Variants in OTOP3 observed in about 807,000 individuals in gnomAD.
OTOP3 encodes proton channel OTOP3.
In OTOP3, 41 loss-of-function variants were observed where a neutral mutation model predicts 50.8. The observed-to-expected ratio is 0.81, with a 90% CI of 0.63 to 1.05. OTOP3 has a LOEUF of 1.05. OTOP3 is among the 50% of genes least tolerant of loss of function. OTOP3 has a pLI of 0.00. For missense variants in OTOP3, 788 were observed against 760.8 expected (o/e 1.04, Z -0.42); for synonymous variants, 320 against 324.4 (o/e 0.99, Z 0.14).
chr17:74,943,167 T>C, intron 3 of OTOP3, 119 bp from the exon 4 acceptor site: 1 of 900,642 alleles, frequency 1.1e-6, no homozygotes, highest in East Asian at 2.4e-5. Flanking sequence ...GAGCCAAGAT[T>C]CCGACCCAGT....
intron 1 of OTOP3, among the ~76,000 whole-genome samples, chr17:74,939,535 AAGG>A (rs1214946283): frequency 6.6e-6 from 1 of 152,124 alleles, no homozygotes; most frequent in Non-Finnish European, 1.5e-5. Flanking sequence ...CACCAGGAAG[AAGG>A]AGTGTCCGGT....
intron 1 of OTOP3, among the ~76,000 whole-genome samples, chr17:74,937,055 C>G (rs1359400634): frequency 2.0e-5 from 3 of 150,914 alleles, no homozygotes; most frequent in African/African-American, 7.3e-5. Flanking sequence ...CTCAGCCTCC[C>G]AGGCTGAAGC....
rs2144774738 is a variant in OTOP3, at chr17:74,935,952, G to A, written c.19+12G>A. On this transcript the variant is annotated intron_variant, in intron 1 of 6. Transcript: ENST00000328801. ...TCTCCCGGCCTCAGGTAAGCCCGGA[G>A]CGCCGGCGGAACTTTCCCAGCTTGC... 1 of 1,541,908 alleles carries A rather than the reference G, an allele frequency of 6.5e-7. No homozygotes were observed. Among genetic ancestry groups the A allele is most frequent in the East Asian group, 2.4e-5 (1 of 40,878 alleles).
In OTOP3 at chr17:74,946,815, A is replaced by G; in HGVS notation, c.906A>G (p.Ala302=). ...GGAAGAACGTGGGCCGCCACGTGGC[A>G]CCCCACATGGGTGCCCACCCTGCCA... ...VMWKNVGRHV[A]PHMGAHPATA... The change falls in exon 6 of 7, where the codon GCA becomes GCG. Residue 302 remains alanine (A), a synonymous_variant. Coordinates refer to ENST00000328801, the MANE Select transcript of OTOP3 (RefSeq NM_001272005.2). 1 of 1,611,366 alleles carries G rather than the reference A, an allele frequency of 6.2e-7. No individual in the cohort carries two copies. Among genetic ancestry groups the G allele is most frequent in the East Asian group, 2.2e-5 (1 of 44,864 alleles).
intron 1 of OTOP3, among the ~76,000 whole-genome samples, chr17:74,939,800 G>A (rs1451629067): frequency 6.6e-6 from 1 of 152,172 alleles, no homozygotes; most frequent in African/African-American, 2.4e-5. Flanking sequence ...TCAAAGTCAA[G>A]GGCGTGGCAG....
At chr17:74,944,296 G>A (rs910816857) in intron 5 of OTOP3, among the ~76,000 whole-genome samples, 6 of 152,036 alleles carry the variant, frequency 3.9e-5, no homozygotes, top group Non-Finnish European at 5.9e-5. Context: ...TCACCATCAC[G>A]CCCTGCAGCC....
At chr17:74,943,376 C>A in intron 4 of OTOP3, 32 bp downstream of exon 4, 1 of 1,600,588 alleles carries the variant, frequency 6.2e-7, no homozygotes, top group Non-Finnish European at 8.6e-7. Context: ...AACCCTCTGG[C>A]CTCTCTGTCC....
intron 1 of OTOP3, among the ~76,000 whole-genome samples, chr17:74,936,986 A>T (rs2039124916): frequency 1.2e-5 from 1 of 86,592 alleles, no homozygotes; most frequent in Non-Finnish European, 2.1e-5. Context: ...TTTTTGAGAC[A>T]GGGTCTAACT....
intron 1 of OTOP3, among the ~76,000 whole-genome samples, chr17:74,940,903 G>A (rs2144780662): frequency 6.6e-6 from 1 of 152,262 alleles, no homozygotes; most frequent in East Asian, 1.9e-4. Flanking sequence ...ACAGCCTCAG[G>A]ATGCTTCTCT....
chr17:74,940,679 A>G (rs956321471), intron 1 of OTOP3, among the ~76,000 whole-genome samples: 1 of 152,098 alleles, frequency 6.6e-6, no homozygotes, highest in Non-Finnish European at 1.5e-5. Context: ...TCTAATACCC[A>G]ATGATCTGAA....
intron 1 of OTOP3, among the ~76,000 whole-genome samples, chr17:74,938,782 G>A (rs1033542993): frequency 1.3e-5 from 2 of 152,104 alleles, no homozygotes; most frequent in African/African-American, 4.8e-5. Context: ...AGTTGCCTTT[G>A]CAGGACTTTA....
rs771130336 is a variant in OTOP3, at chr17:74,941,976, G to A, written c.512G>A (p.Arg171His). ...FRVGYDVSHI[R>H]CKSQLDLVFS... Reference sequence around the variant, plus strand: ...GTGGGCTACGATGTGAGCCACATCCGCTGCAAGTCACAGCTGGACCTTGTC... The same window carrying A: ...GTGGGCTACGATGTGAGCCACATCCACTGCAAGTCACAGCTGGACCTTGTC... The change falls in exon 3 of 7, where the codon CGC (arginine) becomes CAC (histidine). Residue 171 changes from arginine to histidine, a missense_variant. Coordinates refer to ENST00000328801, the MANE Select transcript of OTOP3 (RefSeq NM_001272005.2). The A allele has an allele frequency of 6.2e-6, 10 of 1,613,600 alleles. No individual in the cohort carries two copies. Among genetic ancestry groups the A allele is most frequent in the South Asian group, 2.2e-5 (2 of 91,026 alleles).
Position 74,947,368 on chromosome 17 carries a change from G to A in OTOP3, c.1459G>A (p.Gly487Ser), listed in dbSNP as rs113286281. The part of the protein sequence containing the change: ...RRGSLLELGQ[G>S]LQRASLAYIH... ...AGGCTCCTTGCTGGAGCTGGGCCAG[G>A]GCCTGCAGCGGGCCTCACTGGCCTA... is the stretch of plus-strand genomic sequence containing the variant. Residue 487 changes from glycine to serine, a missense_variant, in exon 6 of 7, where the codon GGC becomes AGC. By Grantham distance (56) the Gly-to-Ser change is moderately conservative (BLOSUM62 0). Transcript: ENST00000328801. The A allele has an allele frequency of 6.2e-7, 1 of 1,613,086 alleles. No individual in the cohort carries two copies. Among genetic ancestry groups the A allele is most frequent in the East Asian group, 2.2e-5 (1 of 44,878 alleles).
intron 1 of OTOP3, among the ~76,000 whole-genome samples, chr17:74,940,360 G>A (rs1407637474): frequency 6.6e-6 from 1 of 151,824 alleles, no homozygotes; most frequent in Non-Finnish European, 1.5e-5. Flanking sequence ...TAAAAAACTA[G>A]AACAGTAAAG....
chr17:74,944,568 C>A (rs1485022251), intron 5 of OTOP3, among the ~76,000 whole-genome samples: 1 of 152,130 alleles, frequency 6.6e-6, no homozygotes, highest in Non-Finnish European at 1.5e-5. Context: ...ACCAGCCTAG[C>A]GAACATGGCG....
At position 74,947,289 on chromosome 17, in the gene OTOP3, G is replaced by A. The variant is rs2039238458; in HGVS notation, c.1380G>A (p.Trp460Ter). 1.2e-6 allele frequency: 2 copies of A among 1,613,374 alleles called. No individual in the cohort carries two copies. The highest frequency in any genetic ancestry group is 1.7e-5 in the Admixed American group (1 of 59,982). ...AGGGCCTGCACCGGCGCCCACTCTGGGAGACAGTTCCCGAGGGCCTGGCAG... is the reference window on the plus strand; with the variant it reads ...AGGGCCTGCACCGGCGCCCACTCTGAGAGACAGTTCCCGAGGGCCTGGCAG... Reference protein sequence around the residue: ...IIEGLHRRPLWETVPEGLAGK... With the variant: ...IIEGLHRRPL Residue 460 changes from tryptophan (W) to a stop codon, truncating the protein, a stop_gained, in exon 6 of 7, where the codon TGG (tryptophan) becomes TGA (stop). Transcript: ENST00000328801. LOFTEE classifies it high-confidence loss of function.
chr17:74,945,984 G>GTTT (rs36000752), intron 5 of OTOP3, among the ~76,000 whole-genome samples: 13 of 148,404 alleles, frequency 8.8e-5, no homozygotes, highest in African/African-American at 3.2e-4. Flanking sequence ...GTTTTTTGTG[G>GTTT]TTTTTTTTTT....
At chr17:74,943,789 CACACAT>C in intron 5 of OTOP3, 65 bp downstream of exon 5, 1 of 1,239,520 alleles carries the variant, frequency 8.1e-7, no homozygotes, top group East Asian at 2.4e-5. Context: ...CACACACACA[CACACAT>C]AAACGCTACA....
At chr17:74,944,278 G>A (rs1249587735) in intron 5 of OTOP3, among the ~76,000 whole-genome samples, 4 of 152,014 alleles carry the variant, frequency 2.6e-5, no homozygotes, top group African/African-American at 7.3e-5. Flanking sequence ...ACCCCGCCCC[G>A]GGTGGCATCA....
Sources: allele counts gnomAD v4.1 joint callset (sites outside exome capture counted in the v4.1 genomes callset), GRCh38; gene constraint gnomAD v4.1.1; transcripts MANE v1.5; gene names NCBI Gene and HGNC (gene_info 2026-07-23, HGNC 2026-07-21).